AMOTL1: variants seen among roughly 807,000 people sequenced by gnomAD.
AMOTL1 encodes angiomotin like 1.
AMOTL1 carries 45 observed loss-of-function variants against 102.9 expected under a neutral mutation model. That is an observed-to-expected ratio of 0.44 (90% CI 0.34 to 0.56). The LOEUF (loss-of-function observed/expected upper bound fraction) is 0.56, where lower values mean the gene tolerates loss of function less well. Ranked by LOEUF, AMOTL1 falls within the 20% of genes least tolerant of loss-of-function variation. The pLI, the probability that AMOTL1 is intolerant of heterozygous loss-of-function variation, is 0.01. For synonymous variants in AMOTL1, 481 were observed against 484.7 expected (o/e 0.99, Z 0.10); for missense variants, 1,114 against 1,225.6 (o/e 0.91, Z 1.36).
At chr11:94,771,982 A>T (rs921417276) in intron 1 of AMOTL1, among the ~76,000 whole-genome samples, 3 of 152,088 alleles carry the variant, frequency 2.0e-5, no homozygotes, top group Non-Finnish European at 4.4e-5. Context: ...GCAGCTATAT[A>T]CCTCTATTTT....
chr11:94,812,696 T>G (rs1442087702), intron 3 of AMOTL1, among the ~76,000 whole-genome samples: 2 of 152,400 alleles, frequency 1.3e-5, no homozygotes, highest in East Asian at 3.8e-4. Context: ...TGATACAGTT[T>G]CCAGCTCGAC....
chr11:94,800,459 A>C lies in AMOTL1; in HGVS notation c.1121+148A>C, dbSNP rs114601081. 1,456 of 881,978 alleles carry C rather than the reference A, an allele frequency of 1.7e-3. 11 individuals carry two copies. In the African/African-American group the frequency reaches 0.021, roughly 13 times the overall value. The allele number at this position is 881,978 out of a possible 1,614,324, so 54.6% of individuals were successfully genotyped here. ...TTTAATAAACCACTTTGTGGCCAGA[A>C]TATATAGGGTGAAATAGAGTAGAGG... On this transcript the variant is annotated intron_variant, in intron 3 of 12. Transcript: ENST00000433060.
chr11:94,851,653 A>C (rs1952541298), intron 7 of AMOTL1, among the ~76,000 whole-genome samples: 2 of 152,360 alleles, frequency 1.3e-5, no homozygotes, highest in South Asian at 4.1e-4. Flanking sequence ...TAAGCAAGTC[A>C]CGTAACCTTG....
At chr11:94,819,743 G>T (rs1951830577) in intron 3 of AMOTL1, among the ~76,000 whole-genome samples, 2 of 152,152 alleles carry the variant, frequency 1.3e-5, no homozygotes, top group Admixed American at 1.3e-4. Flanking sequence ...ACCTCCTGAG[G>T]CTGTGTCATG....
rs532727841 is a variant in AMOTL1, at chr11:94,812,535, A to G, written c.1122-8995A>G. Among the ~76,000 whole-genome samples the G allele has an allele frequency of 2.0e-5, 3 of 152,384 alleles. No homozygotes were observed. In the South Asian group the frequency reaches 6.2e-4, roughly 32 times the overall value. Reference sequence around the variant, plus strand: ...TCACATGTATTTCTCAGGTAAGCAGAGGGATGATTTTGAGTTGTGTCTGTC... The same window carrying G: ...TCACATGTATTTCTCAGGTAAGCAGGGGGATGATTTTGAGTTGTGTCTGTC... On this transcript the variant is annotated intron_variant, in intron 3 of 12. Transcript: ENST00000433060.
intron 12 of AMOTL1, 23 bp from the exon 13 acceptor site, chr11:94,870,666 G>C (rs1488898832): frequency 1.3e-6 from 2 of 1,565,996 alleles, no homozygotes; most frequent in Non-Finnish European, 8.7e-7. Context: ...ATGGGCAGCT[G>C]ATGTTTCCCC....
At chr11:94,857,531 C>T (rs542706014) in intron 8 of AMOTL1, among the ~76,000 whole-genome samples, 44 of 152,158 alleles carry the variant, frequency 2.9e-4, no homozygotes, top group Middle Eastern at 3.4e-3. Context: ...AGTACTTCAG[C>T]ATCATTAGAA....
rs374625010 is a variant in AMOTL1 at position 94,800,208 on chromosome 11, G to A, written c.1018G>A (p.Gly340Arg). 1.6e-5 allele frequency: 26 copies of A among 1,613,784 alleles called. No homozygotes were observed. Among genetic ancestry groups the A allele is most frequent in the Non-Finnish European group, 2.1e-5 (25 of 1,179,854 alleles). ...ACTTTTTTATGGTGACCAGCACCCCGGGATGCTCCACGAGATGGTCAAGCC... is the reference window on the plus strand; with the variant it reads ...ACTTTTTTATGGTGACCAGCACCCCAGGATGCTCCACGAGATGGTCAAGCC... ...HGLFYGDQHP[G>R]MLHEMVKPYP... Residue 340 changes from glycine to arginine, a missense_variant, in exon 3 of 13, where the codon GGG (glycine) becomes AGG (arginine). Gly to Arg is a moderately radical substitution (Grantham distance 125). Transcript: ENST00000433060.
chr11:94,723,170 C>T (rs540712114), intron 1 of AMOTL1, among the ~76,000 whole-genome samples: 32 of 152,190 alleles, frequency 2.1e-4, no homozygotes, highest in African/African-American at 6.0e-4. Flanking sequence ...GGCCATGCAC[C>T]GTGCTAACAG....
chr11:94,749,468 C>T (rs1289347795), intron 3 of AMOTL1, among the ~76,000 whole-genome samples: 4 of 152,178 alleles, frequency 2.6e-5, no homozygotes, highest in Non-Finnish European at 5.9e-5. Context: ...CCCTCACAGA[C>T]ACACCCAGAA....
chr11:94,738,536 A>T (rs929757961), intron 2 of AMOTL1, among the ~76,000 whole-genome samples: 16 of 152,092 alleles, frequency 1.1e-4, no homozygotes, highest in African/African-American at 3.9e-4. Context: ...GGAAATATAG[A>T]TGTGAGCCAC....
intron 3 of AMOTL1, among the ~76,000 whole-genome samples, chr11:94,752,437 C>G (rs1171556610): frequency 6.6e-6 from 1 of 152,192 alleles, no homozygotes; most frequent in African/African-American, 2.4e-5. Flanking sequence ...AAAACATGTT[C>G]AGGGATGGTT....
At chr11:94,744,446 C>T (rs536940815) in intron 3 of AMOTL1, among the ~76,000 whole-genome samples, 20 of 152,234 alleles carry the variant, frequency 1.3e-4, no homozygotes, top group African/African-American at 4.6e-4. Flanking sequence ...CTCTCCATAC[C>T]TCCTCATTTA....
chr11:94,793,378 G>T (rs1241104397), intron 1 of AMOTL1, among the ~76,000 whole-genome samples: 5 of 152,104 alleles, frequency 3.3e-5, no homozygotes, highest in African/African-American at 1.2e-4. Flanking sequence ...AGCTTCCCCA[G>T]TTTCGCTCCA....
intron 3 of AMOTL1, among the ~76,000 whole-genome samples, chr11:94,813,765 G>T (rs922281807): frequency 3.3e-5 from 5 of 152,170 alleles, no homozygotes; most frequent in South Asian, 2.1e-4. Flanking sequence ...CAGGAGCTTC[G>T]ATCAGGAATG....
In AMOTL1 at chr11:94,799,827, G is replaced by T; in HGVS notation, c.637G>T (p.Ala213Ser). The change falls in exon 3 of 13, where the codon GCG (alanine) becomes TCG (serine). Residue 213 changes from alanine to serine, a missense_variant. Ala to Ser is a moderately conservative substitution (Grantham distance 99). Coordinates refer to ENST00000433060, the MANE Select transcript of AMOTL1 (RefSeq NM_130847.3). This position sits in a 1 kb window ranked among gnomAD's most constrained non-coding sequence, Gnocchi z 4.5. ...GQQQQQQQQG[A>S]VGHGYYMAGG... ...GCAGCAGCAGCAACAGCAGCAGGGGGCGGTGGGCCATGGTTACTACATGGC... is the reference window on the plus strand; with the variant it reads ...GCAGCAGCAGCAACAGCAGCAGGGGTCGGTGGGCCATGGTTACTACATGGC... 6.3e-7 allele frequency: 1 copy of T among 1,595,458 alleles called. No homozygotes were observed.
At chr11:94,756,896 T>C (rs1950732478) in intron 3 of AMOTL1, among the ~76,000 whole-genome samples, 1 of 152,194 alleles carries the variant, frequency 6.6e-6, no homozygotes, top group African/African-American at 2.4e-5. Context: ...ACCTCTTGAT[T>C]TCAACTCCCC....
At chr11:94,838,074 C>T (rs1418981285) in intron 6 of AMOTL1, among the ~76,000 whole-genome samples, 1 of 152,190 alleles carries the variant, frequency 6.6e-6, no homozygotes, top group East Asian at 1.9e-4. Flanking sequence ...ACGGTTAAAT[C>T]TTCCTTTTAT....
At chr11:94,745,335 A>G (rs943826700) in intron 3 of AMOTL1, among the ~76,000 whole-genome samples, 55 of 150,864 alleles carry the variant, frequency 3.6e-4, no homozygotes, top group African/African-American at 1.2e-3. Context: ...TTTTAATAAT[A>G]TGGTTGGTTC....
Sources: gnomAD v4.1 joint callset for allele counts (sites outside exome capture counted in the v4.1 genomes callset) on GRCh38, gnomAD v4.1.1 for gene constraint, Gnocchi (gnomAD v3.1) non-coding constraint, MANE v1.5 for transcripts, NCBI Gene and HGNC (gene_info 2026-07-23, HGNC 2026-07-21) for gene names.